DHRSX: variants seen among roughly 807,000 people sequenced by gnomAD.
DHRSX encodes dehydrogenase/reductase X-linked, also known as polyprenol dehydrogenase.
In DHRSX, 31 loss-of-function variants were observed where a neutral mutation model predicts 34.0. The observed-to-expected ratio is 0.91, with a 90% CI of 0.69 to 1.23. The LOEUF (loss-of-function observed/expected upper bound fraction) is 1.23. DHRSX is among the 50% of genes most tolerant of loss of function. DHRSX has a pLI of 0.00. For missense variants in DHRSX, 414 were observed against 428.1 expected (o/e 0.97, Z 0.29); for synonymous variants, 201 against 183.8 (o/e 1.09, Z -0.76).
intron 5 of DHRSX, among the ~76,000 whole-genome samples, chrX:2,247,837 CCTGT>C (rs1308494414): frequency 1.3e-5 from 2 of 152,092 alleles, no homozygotes; most frequent in Non-Finnish European, 2.9e-5. Context: ...CTCCTACCCT[CCTGT>C]CTCTCAGACC....
At chrX:2,272,554 T>C (rs2041571637) in intron 4 of DHRSX, among the ~76,000 whole-genome samples, 1 of 152,128 alleles carries the variant, frequency 6.6e-6, no homozygotes, top group South Asian at 2.1e-4. Context: ...GTTGGGTCAA[T>C]AAGGTCACGT....
intron 2 of DHRSX, among the ~76,000 whole-genome samples, chrX:2,409,317 C>T (rs771861360): frequency 6.4e-4 from 97 of 152,114 alleles, no homozygotes; most frequent in Non-Finnish European, 1.3e-3. Flanking sequence ...GGCACATGTG[C>T]GGAATGTGCA....
At chrX:2,314,400 G>GGGA (rs1569487255) in intron 3 of DHRSX, among the ~76,000 whole-genome samples, 1 of 84,772 alleles carries the variant, frequency 1.2e-5, no homozygotes, top group African/African-American at 6.2e-5. Context: ...AGGAAGGAAG[G>GGGA]GAAAGAAGGG....
At chrX:2,387,248 T>A (rs982515519) in intron 3 of DHRSX, among the ~76,000 whole-genome samples, 8 of 152,194 alleles carry the variant, frequency 5.3e-5, no homozygotes, top group Non-Finnish European at 1.0e-4. Context: ...AGCGGCTCTT[T>A]CTGCTTCCCT....
intron 1 of DHRSX, among the ~76,000 whole-genome samples, chrX:2,482,941 A>C: frequency 6.6e-6 from 1 of 152,286 alleles, no homozygotes; most frequent in South Asian, 2.1e-4. Flanking sequence ...AATGCTACCA[A>C]AACAGGGAAA....
chrX:2,452,355 A>G (rs1010735120), intron 1 of DHRSX, among the ~76,000 whole-genome samples: 6 of 151,144 alleles, frequency 4.0e-5, no homozygotes, highest in African/African-American at 1.5e-4. Context: ...TTCCCTAGGC[A>G]TGTGGTCAAG....
intron 3 of DHRSX, among the ~76,000 whole-genome samples, chrX:2,391,891 C>T (rs12841632): frequency 0.19 from 28,856 of 151,872 alleles, 3,197 homozygotes; most frequent in East Asian, 0.34. Context: ...TGCACCACTG[C>T]ACTCCAGCCT....
chrX:2,465,916 A>G (rs1418699550), intron 1 of DHRSX, among the ~76,000 whole-genome samples: 4 of 152,176 alleles, frequency 2.6e-5, no homozygotes, highest in African/African-American at 4.8e-5. Context: ...AAAATTCCCA[A>G]TGCTCTTAGC....
intron 1 of DHRSX, among the ~76,000 whole-genome samples, chrX:2,442,142 T>C (rs1416761022): frequency 1.3e-5 from 2 of 152,086 alleles, no homozygotes; most frequent in Non-Finnish European, 2.9e-5. Flanking sequence ...ATTCTTACAG[T>C]AAAGTAAGCT....
chrX:2,246,970 A>G (rs1338553977), intron 5 of DHRSX, among the ~76,000 whole-genome samples: 1 of 152,140 alleles, frequency 6.6e-6, no homozygotes, highest in East Asian at 1.9e-4. Context: ...GTTGTTTGAG[A>G]AGGAGTCTTG....
At chrX:2,356,297 C>A (rs1300275846) in intron 3 of DHRSX, among the ~76,000 whole-genome samples, 1 of 152,090 alleles carries the variant, frequency 6.6e-6, no homozygotes, top group African/African-American at 2.4e-5. Context: ...ATTGCTTCAA[C>A]CCAGGAGGCA....
chrX:2,399,306 G>T (rs2043454463), intron 3 of DHRSX, among the ~76,000 whole-genome samples: 1 of 151,872 alleles, frequency 6.6e-6, no homozygotes, highest in Admixed American at 6.6e-5. Flanking sequence ...CTACGCATAT[G>T]CCTGTCTACA....
At chrX:2,317,847 G>A (rs777552107) in intron 3 of DHRSX, among the ~76,000 whole-genome samples, 42 of 152,154 alleles carry the variant, frequency 2.8e-4, no homozygotes, top group African/African-American at 7.2e-5. Context: ...CAGGGTGGGC[G>A]GAGAGATCAT....
At chrX:2,224,084 C>T (rs1373598691) in intron 6 of DHRSX, among the ~76,000 whole-genome samples, 2 of 152,252 alleles carry the variant, frequency 1.3e-5, no homozygotes, top group Admixed American at 6.5e-5. Context: ...GCTGTGCCTT[C>T]TTTGCAAACA....
At chrX:2,294,276 G>T (rs1200544671) in intron 3 of DHRSX, among the ~76,000 whole-genome samples, 2 of 152,122 alleles carry the variant, frequency 1.3e-5, no homozygotes, top group African/African-American at 4.8e-5. Context: ...GGGCACGATG[G>T]CTCATGCCTG....
chrX:2,251,908 G>A (rs1404790584), intron 5 of DHRSX, among the ~76,000 whole-genome samples: 1 of 152,066 alleles, frequency 6.6e-6, no homozygotes, highest in Non-Finnish European at 1.5e-5. Flanking sequence ...GGGTGGGGTA[G>A]GAGGGGACTG....
At chrX:2,404,046 A>C (rs1281285242) in intron 3 of DHRSX, among the ~76,000 whole-genome samples, 2 of 152,092 alleles carry the variant, frequency 1.3e-5, no homozygotes, top group Non-Finnish European at 2.9e-5. Flanking sequence ...TAAAAGCAAA[A>C]AGTCATGAGA....
chrX:2,251,574 G>A (rs767575770), intron 5 of DHRSX, among the ~76,000 whole-genome samples: 18 of 152,242 alleles, frequency 1.2e-4, no homozygotes, highest in East Asian at 1.9e-4. Flanking sequence ...GCAGTAGGGC[G>A]GACGCATCAA....
intron 5 of DHRSX, among the ~76,000 whole-genome samples, chrX:2,248,903 T>C (rs2016367072): frequency 6.6e-6 from 1 of 152,190 alleles, no homozygotes; most frequent in African/African-American, 2.4e-5. Flanking sequence ...AATAGACGGT[T>C]TCCCCTGCAT....
Sources: gnomAD v4.1 joint callset for allele counts (sites outside exome capture counted in the v4.1 genomes callset) on GRCh38, gnomAD v4.1.1 for gene constraint, MANE v1.5 for transcripts, NCBI Gene and HGNC (gene_info 2026-07-23, HGNC 2026-07-21) for gene names.